TIAL1: variants seen among roughly 807,000 people sequenced by gnomAD.
The protein encoded by TIAL1 is nucleolysin TIAR.
TIAL1 carries 7 observed loss-of-function variants against 59.7 expected under a neutral mutation model. The observed-to-expected ratio is 0.12, with a 90% CI of 0.07 to 0.22. The LOEUF (loss-of-function observed/expected upper bound fraction) is 0.22. Among genes scored for constraint, TIAL1 ranks in the 10% least tolerant of loss-of-function variants. The pLI is 1.00. For synonymous variants in TIAL1, 149 were observed against 146.3 expected (o/e 1.02, Z -0.13); for missense variants, 225 against 462.5 (o/e 0.49, Z 4.71).
At chr10:119,576,789 G>T (rs560409268) in intron 10 of TIAL1, 39 bp from the exon 11 acceptor site, 5 of 1,608,028 alleles carry the variant, frequency 3.1e-6, no homozygotes, top group Non-Finnish European at 4.2e-6. Flanking sequence ...GAACACATAA[G>T]AAACACCGTA....
intron 1 of TIAL1, among the ~76,000 whole-genome samples, chr10:119,591,462 T>G (rs1845877914): frequency 6.6e-6 from 1 of 151,866 alleles, no homozygotes; most frequent in African/African-American, 2.4e-5. Context: ...CAGTTACAGA[T>G]CTTGAAGAAT....
At position 119,573,546 on chromosome 10, in the gene TIAL1, G is replaced by C. The variant is rs1321349235; in HGVS notation, c.*2119C>G. 1 of 152,352 alleles carries C rather than the reference G, an allele frequency of 6.6e-6. No homozygotes were observed. The highest frequency in any genetic ancestry group is 1.5e-5 in the Non-Finnish European group (1 of 67,996). The allele number at this position is 152,352 out of a possible 1,614,324, so 9.4% of individuals were successfully genotyped here. On this transcript the variant is annotated 3_prime_UTR_variant, in exon 12 of 12. Coordinates refer to ENST00000436547, the MANE Select transcript of TIAL1 (RefSeq NM_003252.4). ...TCAGGAAACACTACAGCTATATTTAGCTGTTAGTTATCTCAATAAGCTACT... is the reference window on the plus strand; with the variant it reads ...TCAGGAAACACTACAGCTATATTTACCTGTTAGTTATCTCAATAAGCTACT...
intron 1 of TIAL1, among the ~76,000 whole-genome samples, chr10:119,588,665 T>C (rs547752877): frequency 2.0e-5 from 3 of 152,088 alleles, no homozygotes; most frequent in Middle Eastern, 3.2e-3. Context: ...CATTTTAACT[T>C]CCTCTGTTTT....
intron 2 of TIAL1, among the ~76,000 whole-genome samples, chr10:119,587,291 T>G (rs1334206441): frequency 6.6e-6 from 1 of 152,192 alleles, no homozygotes; most frequent in Non-Finnish European, 1.5e-5. Flanking sequence ...ACTCCTGCTC[T>G]CCCTACCAAC....
At chr10:119,576,858 T>C in intron 10 of TIAL1, 108 bp from the exon 11 acceptor site, 1 of 1,442,606 alleles carries the variant, frequency 6.9e-7, no homozygotes, top group Non-Finnish European at 9.4e-7. Context: ...CTTATGTGAA[T>C]AGGACTCTGT....
chr10:119,573,938 T>C lies in TIAL1; in HGVS notation c.*1727A>G, dbSNP rs1844826373. The C allele has an allele frequency of 6.6e-6, 1 of 152,348 alleles. No homozygotes were observed. Among genetic ancestry groups the C allele is most frequent in the Non-Finnish European group, 1.5e-5 (1 of 68,020 alleles). 9.4% of individuals were successfully genotyped at this position (152,348 alleles called of 1,614,324 possible). On this transcript the variant is annotated 3_prime_UTR_variant, in exon 12 of 12. Transcript: ENST00000436547. ...AAAAGGAGGAAAGTAATACCAAAAT[T>C]ATTGTGACCACCAATTTATAAAATC...
chr10:119,590,762 G>GAGAGAGAA (rs1554867667), intron 1 of TIAL1, among the ~76,000 whole-genome samples: 7 of 125,292 alleles, frequency 5.6e-5, no homozygotes, highest in Non-Finnish European at 8.4e-5. Flanking sequence ...GAGAGAAAGA[G>GAGAGAGAA]AGAAAGAAAG....
intron 2 of TIAL1, among the ~76,000 whole-genome samples, chr10:119,587,706 T>C (rs1011889675): frequency 6.6e-6 from 1 of 151,712 alleles, no homozygotes; most frequent in African/African-American, 2.4e-5. Context: ...TGGGTGCTGC[T>C]ACAGTCTTAG....
At chr10:119,580,904 G>T in intron 5 of TIAL1, 1 of 1,005,258 alleles carries the variant, frequency 9.9e-7, no homozygotes, top group Non-Finnish European at 1.3e-6. Flanking sequence ...AAGAAAAACT[G>T]CAGGTCTCAG....
Position 119,575,281 on chromosome 10 carries a change from A to C in TIAL1, c.*384T>G. ...TATATGTGATTCCCAGGTTTTCACG[A>C]TCCTCCCTTTTTTGCTCTTTTAAAA... is the stretch of plus-strand genomic sequence containing the variant. On this transcript the variant is annotated 3_prime_UTR_variant, in exon 12 of 12. Coordinates refer to ENST00000436547, the MANE Select transcript of TIAL1 (RefSeq NM_003252.4). 5.7e-6 allele frequency: 1 copy of C among 175,110 alleles called. No individual in the cohort carries two copies. Among genetic ancestry groups the C allele is most frequent in the Non-Finnish European group, 1.2e-5 (1 of 82,150 alleles). 10.8% of individuals were successfully genotyped at this position (175,110 alleles called of 1,614,324 possible). A position where few individuals can be genotyped will look rare whatever the true frequency, so the allele number is the denominator to read the frequency against.
rs148932828 is a variant in TIAL1 at position 119,577,150 on chromosome 10, G to A, written c.791C>T (p.Thr264Met). ...AHAIVSVNGT[T>M]IEGHVVKCYW... is the part of the protein sequence containing the mutation. Reference sequence around the variant, plus strand: ...GCATTTAACCACATGTCCTTCAATCGTAGTACCGTTCACCGAAACAATGGC... The same window carrying A: ...GCATTTAACCACATGTCCTTCAATCATAGTACCGTTCACCGAAACAATGGC... Residue 264 changes from threonine (T) to methionine (M), a missense_variant, in exon 10 of 12, where the codon ACG (threonine) becomes ATG (methionine). By Grantham distance (81) the Thr-to-Met change is moderately conservative. Around this residue, in one of 4 missense-constraint regions of TIAL1, gnomAD observed 80 missense variants for 158.8 expected, o/e 0.50. Coordinates refer to ENST00000436547, the MANE Select transcript of TIAL1 (RefSeq NM_003252.4). 12 of 1,613,458 alleles carry A rather than the reference G, an allele frequency of 7.4e-6. No individual in the cohort carries two copies. In the African/African-American group the frequency reaches 1.2e-4, roughly 16 times the overall value.
chr10:119,596,341 C>G, intron 1 of TIAL1, 93 bp downstream of exon 1: 1 of 1,449,060 alleles, frequency 6.9e-7, no homozygotes, highest in Non-Finnish European at 9.6e-7. Flanking sequence ...GCCTAGAGTC[C>G]CGGCTTCGGC....
intron 7 of TIAL1, among the ~76,000 whole-genome samples, chr10:119,578,151 C>G (rs12247834): frequency 1.2e-4 from 17 of 140,732 alleles, no homozygotes; most frequent in African/African-American, 4.1e-4. Flanking sequence ...CTTGAACCTG[C>G]GAGGCGGAGG....
At position 119,575,616 on chromosome 10, in the gene TIAL1, A is replaced by C; in HGVS notation, c.*49T>G. Reference sequence around the variant, plus strand: ...TACTTTCATGTCTTCAGAGTGTCACAGGAAATCGAAGCCTATCATGAATTA... The same window carrying C: ...TACTTTCATGTCTTCAGAGTGTCACCGGAAATCGAAGCCTATCATGAATTA... On this transcript the variant is annotated 3_prime_UTR_variant, in exon 12 of 12. Coordinates refer to ENST00000436547, the MANE Select transcript of TIAL1 (RefSeq NM_003252.4). 6.2e-7 allele frequency: 1 copy of C among 1,607,094 alleles called. No individual in the cohort carries two copies. Among genetic ancestry groups the C allele is most frequent in the Non-Finnish European group, 8.5e-7 (1 of 1,174,516 alleles).
chr10:119,588,577 C>T (rs1476355078), intron 1 of TIAL1, among the ~76,000 whole-genome samples: 11 of 152,186 alleles, frequency 7.2e-5, no homozygotes, highest in Admixed American at 7.2e-4. Flanking sequence ...CTCCTGACCT[C>T]AGGTGATCTG....
At chr10:119,580,453 G>A (rs1845250695) in intron 5 of TIAL1, 26 of 977,110 alleles carry the variant, frequency 2.7e-5, no homozygotes, top group Non-Finnish European at 3.2e-5. Context: ...GGAAAAAATA[G>A]GAATTAAAAA....
rs575591782 is a variant in TIAL1, at chr10:119,574,645, C to T, written c.*1020G>A. On this transcript the variant is annotated 3_prime_UTR_variant, in exon 12 of 12. Transcript: ENST00000436547. ...ACTAATTCCCAATGACATTTTAGAA[C>T]ATACTAATGCATCAAAGATTGTATG... 5 of 112,978 alleles carry T rather than the reference C, an allele frequency of 4.4e-5. No homozygotes were observed. In the East Asian group the frequency reaches 9.0e-4, roughly 20 times the overall value. 7.0% of individuals were successfully genotyped at this position (112,978 alleles called of 1,614,324 possible).
Position 119,596,456 on chromosome 10 carries a change from C to A in TIAL1, c.10G>T (p.Asp4Tyr). MME[D>Y]DGQPRTLYVG... ...CACAGAGTCCGGGGCTGCCCGTCGT[C>A]TTCCATCATGGTGGGTGCGACGGAG... Residue 4 changes from aspartate to tyrosine, a missense_variant, in exon 1 of 12, where the codon GAC becomes TAC. By Grantham distance (160) the Asp-to-Tyr change is radical. This residue lies in a region of TIAL1 where 39 missense variants were observed against 59.5 expected (regional missense o/e 0.66). Transcript: ENST00000436547. 6.3e-7 allele frequency: 1 copy of A among 1,576,290 alleles called. No homozygotes were observed. The highest frequency in any genetic ancestry group is 8.6e-7 in the Non-Finnish European group (1 of 1,159,182).
At chr10:119,593,656 C>G in intron 1 of TIAL1, 1 of 205,244 alleles carries the variant, frequency 4.9e-6, no homozygotes, top group Non-Finnish European at 8.6e-6. Context: ...AATATAAGAT[C>G]TCCATAAACA....
Sources: gnomAD v4.1 joint callset for allele counts (sites outside exome capture counted in the v4.1 genomes callset) on GRCh38, gnomAD v4.1.1 for gene constraint, gnomAD v4.1.1 regional missense constraint, MANE v1.5 for transcripts, NCBI Gene and HGNC (gene_info 2026-07-23, HGNC 2026-07-21) for gene names.